ZNF100: variants seen among roughly 807,000 people sequenced by gnomAD.
The protein encoded by ZNF100 is zinc finger protein 100 (Y1).
ZNF100 carries 12 observed loss-of-function variants against 15.8 expected under a neutral mutation model. The ratio of observed to expected loss-of-function variants is 0.76; its 90% CI spans 0.49 to 1.23. The LOEUF is 1.23. Ranked by LOEUF, ZNF100 falls within the 50% of genes most tolerant of loss-of-function variation. The pLI is 0.00. For synonymous variants in ZNF100, 226 were observed against 214.8 expected (o/e 1.05, Z -0.45); for missense variants, 670 against 635.6 (o/e 1.05, Z -0.58).
Position 21,726,539 on chromosome 19 carries a change from G to A in ZNF100, c.*144C>T. 2 of 738,190 alleles carry A rather than the reference G, an allele frequency of 2.7e-6. No individual in the cohort carries two copies. The highest frequency in any genetic ancestry group is 4.2e-6 in the Non-Finnish European group (2 of 476,176). 45.7% of individuals were successfully genotyped at this position (738,190 alleles called of 1,614,324 possible). On this transcript the variant is annotated 3_prime_UTR_variant, in exon 5 of 5. Transcript: ENST00000358296. Reference sequence around the variant, plus strand: ...TTCTGGTTTGTAGAATTTCTCTCTAGTATGAATTATCTTATGTCTGTTAGG... The same window carrying A: ...TTCTGGTTTGTAGAATTTCTCTCTAATATGAATTATCTTATGTCTGTTAGG...
chr19:21,752,217 C>T (rs1438966990), intron 2 of ZNF100: 1 of 154,126 alleles, frequency 6.5e-6, no homozygotes, highest in Non-Finnish European at 1.4e-5. Context: ...AGTAACTGAA[C>T]TATGTTAGGT....
intron 1 of ZNF100, among the ~76,000 whole-genome samples, chr19:21,766,645 AC>A (rs2036567820): frequency 6.6e-6 from 1 of 152,196 alleles, no homozygotes; most frequent in African/African-American, 2.4e-5. Flanking sequence ...TCTCCCATAG[AC>A]AACAAACTAC....
intron 4 of ZNF100, among the ~76,000 whole-genome samples, chr19:21,735,602 A>G (rs911977526): frequency 2.6e-5 from 4 of 152,058 alleles, no homozygotes; most frequent in African/African-American, 9.7e-5. Flanking sequence ...GCAACGACAC[A>G]CATAGCCTCA....
chr19:21,762,733 G>A (rs1210620805), intron 2 of ZNF100, among the ~76,000 whole-genome samples: 1 of 152,174 alleles, frequency 6.6e-6, no homozygotes, highest in Non-Finnish European at 1.5e-5. Context: ...GGGGGAAAAT[G>A]TCAGAGGCAT....
chr19:21,733,863 G>A (rs981305808), intron 4 of ZNF100, among the ~76,000 whole-genome samples: 3 of 152,280 alleles, frequency 2.0e-5, no homozygotes, highest in Middle Eastern at 3.2e-3. Flanking sequence ...GAAGGAGCAG[G>A]CAGTTCTCTC....
intron 2 of ZNF100, among the ~76,000 whole-genome samples, chr19:21,756,799 G>C (rs578246283): frequency 2.4e-4 from 36 of 152,230 alleles, no homozygotes; most frequent in African/African-American, 8.4e-4. Flanking sequence ...TAAGCAAAAA[G>C]AACAAAGCTG....
rs200130339 is a variant in ZNF100 at position 21,727,224 on chromosome 19, T to C, written c.1088A>G (p.His363Arg). Residue 363 changes from histidine (H) to arginine (R), a missense_variant, in exon 5 of 5, where the codon CAT becomes CGT. Transcript: ENST00000358296. The stretch of plus-strand genomic sequence containing the variant: ...TTTCTCTCCAGCATGAGTTATCTTA[T>C]GTGTAGTAAGGGTTGAGGACTGGTT... ...AFNQSSTLTT[H>R]KITHAGEKPY... The C allele has an allele frequency of 1.4e-4, 221 of 1,613,824 alleles. 2 individuals are homozygous for C. The highest frequency in any genetic ancestry group is 1.8e-4 in the Non-Finnish European group (209 of 1,179,926).
chr19:21,732,817 A>C (rs1448294532), intron 4 of ZNF100, among the ~76,000 whole-genome samples: 1 of 152,044 alleles, frequency 6.6e-6, no homozygotes. Flanking sequence ...GTAACAAAAA[A>C]ATTTCTAACC....
At position 21,762,946 on chromosome 19, in the gene ZNF100, A is replaced by T. The variant is rs989330161; in HGVS notation, c.96+2748T>A. The stretch of plus-strand genomic sequence containing the variant: ...AAAACCCTCCAAAACCAAGATGGTG[A>T]TGAGTGTGACCTCTGGTCATCCTCA... On this transcript the variant is annotated intron_variant, in intron 2 of 4. Transcript: ENST00000358296. Among the ~76,000 whole-genome samples, 5 of 152,284 alleles carry T rather than the reference A, an allele frequency of 3.3e-5. No individual in the cohort carries two copies. In the South Asian group the frequency reaches 1.0e-3, roughly 32 times the overall value.
intron 1 of ZNF100, among the ~76,000 whole-genome samples, chr19:21,767,032 C>T (rs1219212391): frequency 6.6e-6 from 1 of 152,184 alleles, no homozygotes; most frequent in Non-Finnish European, 1.5e-5. Flanking sequence ...CAGTGACTCC[C>T]ATACATTTTT....
In ZNF100 at chr19:21,765,732, C is replaced by A. The variant is rs2036547404; in HGVS notation, c.58G>T (p.Ala20Ser). ...PLKGASGCPG[A>S]ERSLLVQSYF... ...GACTGCACCAGAAGACTCCTCTCAG[C>A]CCCAGGGCATCCACTTGCTCCCTTG... Residue 20 changes from alanine (A) to serine (S), a missense_variant, in exon 2 of 5, where the codon GCT (alanine) becomes TCT (serine). Ala to Ser is a moderately conservative substitution (Grantham distance 99). Coordinates refer to ENST00000358296, the MANE Select transcript of ZNF100 (RefSeq NM_173531.4). The A allele has an allele frequency of 6.2e-7, 1 of 1,614,128 alleles. No homozygotes were observed. The highest frequency in any genetic ancestry group is 1.3e-5 in the African/African-American group (1 of 75,054).
intron 4 of ZNF100, 90 bp downstream of exon 4, chr19:21,743,927 T>A: frequency 1.0e-5 from 12 of 1,161,408 alleles, no homozygotes; most frequent in East Asian, 3.7e-5. Context: ...CTTTGGAACA[T>A]AGCTTCCCAA....
chr19:21,725,552 TAAAA>T lies in ZNF100; in HGVS notation c.*1127_*1130del, dbSNP rs1214101293. On this transcript the variant is annotated 3_prime_UTR_variant, in exon 5 of 5. Coordinates refer to ENST00000358296, the MANE Select transcript of ZNF100 (RefSeq NM_173531.4). ...AAGTTTATAAATAATGCTCACCTAA[TAAAA>T]AAGAATCTCTCATATCTGATGCAGC... 1 of 152,048 alleles carries T rather than the reference TAAAA, an allele frequency of 6.6e-6. No homozygotes were observed. Among genetic ancestry groups the T allele is most frequent in the African/African-American group, 2.4e-5 (1 of 41,418 alleles). 9.4% of individuals were successfully genotyped at this position (152,048 alleles called of 1,614,324 possible).
At chr19:21,740,671 T>C (rs1381599247) in intron 4 of ZNF100, among the ~76,000 whole-genome samples, 1 of 151,988 alleles carries the variant, frequency 6.6e-6, no homozygotes, top group East Asian at 1.9e-4. Flanking sequence ...CCTGACCAAA[T>C]TACAAATTAA....
rs769835781 is a variant in ZNF100, at chr19:21,726,893, A to G, written c.1419T>C (p.Thr473=). The G allele has an allele frequency of 1.9e-6, 3 of 1,613,010 alleles. No homozygotes were observed. Among genetic ancestry groups the G allele is most frequent in the South Asian group, 1.1e-5 (1 of 90,794 alleles). Residue 473 remains threonine (T), a synonymous_variant, in exon 5 of 5, where the codon ACT becomes ACC. Transcript: ENST00000358296. ...CTCCAGTATGAATCATCTTATGTGC[A>G]GTTAGTTGTGAGGACCGGTTAAAGG... ...GKAFNRSSQL[T]AHKMIHTGEK... is the part of the protein sequence containing the mutation.
intron 2 of ZNF100, chr19:21,746,840 T>G (rs180833163): frequency 6.6e-6 from 1 of 152,232 alleles, no homozygotes; most frequent in Admixed American, 6.5e-5. Flanking sequence ...AAAAACATCA[T>G]TTTTCCTCTT....
chr19:21,727,757 G>A lies in ZNF100; in HGVS notation c.555C>T (p.Val185=), dbSNP rs772617724. 1 of 1,613,866 alleles carries A rather than the reference G, an allele frequency of 6.2e-7. No individual in the cohort carries two copies. The highest frequency in any genetic ancestry group is 8.5e-7 in the Non-Finnish European group (1 of 1,179,868). The stretch of plus-strand genomic sequence containing the variant: ...TGTTTGAATTTGAAAATGTATGAAA[G>A]ACTTTTGCAGATGGATCACATTGAA... The part of the protein sequence containing the change: ...NIFQCDPSAK[V]FHTFSNSNRH... The change falls in exon 5 of 5, where the codon GTC becomes GTT. Residue 185 remains valine (V), a synonymous_variant. Transcript: ENST00000358296.
chr19:21,751,015 G>A, intron 2 of ZNF100: 1 of 1,273,534 alleles, frequency 7.9e-7, no homozygotes, highest in Non-Finnish European at 1.1e-6. Context: ...TTTCGCAGCG[G>A]GCGAGGGCCA....
intron 2 of ZNF100, among the ~76,000 whole-genome samples, chr19:21,763,783 C>T (rs951345364): frequency 7.2e-5 from 11 of 152,146 alleles, no homozygotes; most frequent in African/African-American, 2.7e-4. Flanking sequence ...CTGCCATTCC[C>T]TTCCCACCTT....
Sources: gnomAD v4.1 joint callset for allele counts (sites outside exome capture counted in the v4.1 genomes callset) on GRCh38, gnomAD v4.1.1 for gene constraint, MANE v1.5 for transcripts, NCBI Gene and HGNC (gene_info 2026-07-23, HGNC 2026-07-21) for gene names.